Variants in RBFOX1 observed in about 807,000 individuals in gnomAD.
RBFOX1 encodes the protein RNA binding fox-1 homolog 1.
In RBFOX1, 8 loss-of-function variants were observed where a neutral mutation model predicts 57.7. The observed-to-expected ratio is 0.14, with a 90% CI of 0.08 to 0.25. The LOEUF (loss-of-function observed/expected upper bound fraction) is 0.25. Ranked by LOEUF, RBFOX1 falls within the 10% of genes least tolerant of loss-of-function variation. RBFOX1 has a pLI of 1.00. For missense variants in RBFOX1, 611 were observed against 548.5 expected (o/e 1.11, Z -1.14); for synonymous variants, 326 against 222.4 (o/e 1.47, Z -4.15).
intron 3 of RBFOX1, among the ~76,000 whole-genome samples, chr16:6,877,660 T>G (rs575315002): frequency 1.9e-4 from 29 of 152,196 alleles, no homozygotes; most frequent in Non-Finnish European, 3.5e-4. Context: ...AAGCCCATAC[T>G]GAGAATCAGA....
chr16:6,424,068 T>C (rs2093851756), intron 2 of RBFOX1, among the ~76,000 whole-genome samples: 1 of 152,094 alleles, frequency 6.6e-6, no homozygotes, highest in South Asian at 2.1e-4. Context: ...TGAAAACCCA[T>C]CTCTACTAAA....
At chr16:5,285,683 A>C (rs1228149177) in intron 1 of RBFOX1, among the ~76,000 whole-genome samples, 1 of 152,192 alleles carries the variant, frequency 6.6e-6, no homozygotes, top group East Asian at 1.9e-4. Flanking sequence ...CTGGGTAGGT[A>C]CAGTGATATA....
intron 4 of RBFOX1, among the ~76,000 whole-genome samples, chr16:7,449,945 C>G (rs558746501): frequency 6.6e-6 from 1 of 152,128 alleles, no homozygotes; most frequent in African/African-American, 2.4e-5. Flanking sequence ...AGTTGTCTCT[C>G]TGACTGCAGT....
intron 4 of RBFOX1, among the ~76,000 whole-genome samples, chr16:7,120,991 A>G (rs1194755210): frequency 1.3e-5 from 2 of 151,980 alleles, no homozygotes; most frequent in Non-Finnish European, 2.9e-5. Context: ...CCATATTAAC[A>G]CAATAAAGAA....
At chr16:6,164,969 AT>A (rs1411016068) in intron 1 of RBFOX1, among the ~76,000 whole-genome samples, 1 of 152,154 alleles carries the variant, frequency 6.6e-6, no homozygotes, top group Non-Finnish European at 1.5e-5. Flanking sequence ...AGATCTCAAT[AT>A]GAAATGGCAT....
At chr16:6,667,857 C>G (rs1180463931) in intron 3 of RBFOX1, among the ~76,000 whole-genome samples, 4 of 151,856 alleles carry the variant, frequency 2.6e-5, no homozygotes, top group African/African-American at 9.7e-5. Context: ...CCACCACACT[C>G]CAGCCTGGGT....
At chr16:5,504,329 G>T (rs2043303422) in intron 2 of RBFOX1, among the ~76,000 whole-genome samples, 1 of 152,232 alleles carries the variant, frequency 6.6e-6, no homozygotes. Flanking sequence ...GGAGCCTGCT[G>T]GGCCTCGGAC....
At chr16:7,392,849 GGTTTGGTTT>G (rs138617202) in intron 4 of RBFOX1, among the ~76,000 whole-genome samples, 14,538 of 148,736 alleles carry the variant, frequency 0.098, 754 homozygotes, top group East Asian at 0.19. Flanking sequence ...GTTTTGGTTT[GGTTTGGTTT>G]GTTTGTTTGT....
chr16:6,318,893 A>G (rs1357962174), intron 2 of RBFOX1, among the ~76,000 whole-genome samples: 1 of 151,780 alleles, frequency 6.6e-6, no homozygotes. Flanking sequence ...CTCTTAGTGT[A>G]TCTAGTAGGT....
intron 3 of RBFOX1, among the ~76,000 whole-genome samples, chr16:5,725,050 G>A (rs970398975): frequency 6.6e-6 from 1 of 152,066 alleles, no homozygotes; most frequent in Non-Finnish European, 1.5e-5. Flanking sequence ...TTTCCCTTGG[G>A]AGATGCCAGT....
At chr16:6,956,887 C>G (rs569533421) in intron 3 of RBFOX1, among the ~76,000 whole-genome samples, 41 of 152,134 alleles carry the variant, frequency 2.7e-4, no homozygotes, top group African/African-American at 8.9e-4. Context: ...ATTTGTCTGG[C>G]ATCTGGGCTA....
At chr16:5,759,924 A>G (rs1398345656) in intron 3 of RBFOX1, among the ~76,000 whole-genome samples, 3 of 151,604 alleles carry the variant, frequency 2.0e-5, no homozygotes, top group Non-Finnish European at 2.9e-5. Flanking sequence ...AAACTTCCAC[A>G]TCCCCTTTTG....
intron 4 of RBFOX1, among the ~76,000 whole-genome samples, chr16:7,268,313 G>A (rs2095226823): frequency 6.6e-6 from 1 of 152,184 alleles, no homozygotes; most frequent in African/African-American, 2.4e-5. Flanking sequence ...CGGACAGTAG[G>A]GGGCAAAAGT....
intron 4 of RBFOX1, among the ~76,000 whole-genome samples, chr16:7,492,765 C>T (rs1735626699): frequency 1.3e-5 from 2 of 152,076 alleles, no homozygotes; most frequent in Non-Finnish European, 2.9e-5. Flanking sequence ...GCATCTTCCC[C>T]TTCACTCTCT....
chr16:6,594,442 G>T (rs12597197), intron 2 of RBFOX1, among the ~76,000 whole-genome samples: 78,917 of 151,936 alleles, frequency 0.52, 20,683 homozygotes, highest in Middle Eastern at 0.65. Flanking sequence ...TGGTGGGGGG[G>T]TCTGTGGCAA....
At chr16:5,928,701 A>G (rs1057362167) in intron 4 of RBFOX1, among the ~76,000 whole-genome samples, 1 of 132,290 alleles carries the variant, frequency 7.6e-6, no homozygotes, top group Non-Finnish European at 1.6e-5. Flanking sequence ...TCTGCCCAAT[A>G]AAAAAAAAAA....
chr16:6,088,550 G>A (rs565875641), intron 1 of RBFOX1, among the ~76,000 whole-genome samples: 1 of 75,262 alleles, frequency 1.3e-5, no homozygotes, highest in East Asian at 4.6e-4. Context: ...CCTTCCTTCT[G>A]CATTTATTAA....
chr16:5,634,129 C>A (rs987783545), intron 3 of RBFOX1, among the ~76,000 whole-genome samples: 1 of 152,186 alleles, frequency 6.6e-6, no homozygotes, highest in Non-Finnish European at 1.5e-5. Flanking sequence ...TAGCCACTGG[C>A]CTCACTTCTT....
chr16:6,982,667 A>G (rs1015718475), intron 3 of RBFOX1, among the ~76,000 whole-genome samples: 2 of 152,174 alleles, frequency 1.3e-5, no homozygotes, highest in Admixed American at 6.5e-5. Flanking sequence ...CAGTAAATGT[A>G]AGAGGTAGAT....
Sources: gnomAD v4.1 joint callset for allele counts (sites outside exome capture counted in the v4.1 genomes callset) on GRCh38, gnomAD v4.1.1 for gene constraint, MANE v1.5 for transcripts, NCBI Gene and HGNC (gene_info 2026-07-23, HGNC 2026-07-21) for gene names.